FHIT: variants seen among roughly 807,000 people sequenced by gnomAD.
FHIT encodes the protein bis(5'-adenosyl)-triphosphatase.
In FHIT, 19 loss-of-function variants were observed where a neutral mutation model predicts 17.9. The observed-to-expected ratio is 1.06, with a 90% CI of 0.74 to 1.56. The LOEUF (loss-of-function observed/expected upper bound fraction) is 1.56. Ranked by LOEUF, FHIT falls within the 40% of genes most tolerant of loss-of-function variation. The pLI is 0.00. For missense variants in FHIT, 248 were observed against 189.2 expected (o/e 1.31, Z -1.82); for synonymous variants, 81 against 69.7 (o/e 1.16, Z -0.81).
chr3:59,992,165 C>T (rs1374581683), intron 7 of FHIT, among the ~76,000 whole-genome samples: 1 of 152,004 alleles, frequency 6.6e-6, no homozygotes, highest in South Asian at 2.1e-4. Flanking sequence ...ACTCTTTCCC[C>T]TACTACTTCC....
chr3:61,237,643 A>G (rs982836023), intron 1 of FHIT, among the ~76,000 whole-genome samples: 3 of 152,204 alleles, frequency 2.0e-5, no homozygotes, highest in African/African-American at 7.2e-5. Context: ...GTTTAATGAC[A>G]CTGATCTCAG....
At chr3:60,162,305 C>T (rs184291995) in intron 5 of FHIT, among the ~76,000 whole-genome samples, 60 of 151,764 alleles carry the variant, frequency 4.0e-4, no homozygotes, top group African/African-American at 1.1e-3. Flanking sequence ...TGCAATAAAC[C>T]TGTACATTTT....
At chr3:60,552,506 A>C (rs1248025766) in intron 4 of FHIT, among the ~76,000 whole-genome samples, 1 of 152,132 alleles carries the variant, frequency 6.6e-6, no homozygotes, top group Non-Finnish European at 1.5e-5. Flanking sequence ...AGATATTTTA[A>C]ATTAATTGGT....
intron 4 of FHIT, among the ~76,000 whole-genome samples, chr3:60,804,241 G>A (rs1052382805): frequency 6.6e-6 from 1 of 152,198 alleles, no homozygotes; most frequent in Non-Finnish European, 1.5e-5. Context: ...AGGGCACTGC[G>A]ATCCCCCTCA....
In FHIT at chr3:61,045,690, T is replaced by G. The variant is rs555790155; in HGVS notation, c.-163-3591A>C. Among the ~76,000 whole-genome samples, 31 of 152,282 alleles carry G rather than the reference T, an allele frequency of 2.0e-4. No homozygotes were observed. The South Asian group carries it at 6.2e-3, about 31-fold the overall frequency. On this transcript the variant is annotated intron_variant, in intron 2 of 9. Coordinates refer to ENST00000492590, the MANE Select transcript of FHIT (RefSeq NM_002012.4). ...CCCCAAATCAACAAAATATACTTTC[T>G]TCTCAGCACCACATCGTACTTATTC...
chr3:59,752,135 G>T, intron 9 of FHIT, 86 bp downstream of exon 9: 1 of 927,764 alleles, frequency 1.1e-6, no homozygotes. Context: ...TGGTGAAGGT[G>T]TTTTTGTGCA....
intron 3 of FHIT, among the ~76,000 whole-genome samples, chr3:60,983,897 C>T (rs1012222120): frequency 9.9e-5 from 15 of 152,072 alleles, no homozygotes; most frequent in African/African-American, 3.1e-4. Flanking sequence ...TACATCACAA[C>T]AGTAATGCAA....
intron 5 of FHIT, among the ~76,000 whole-genome samples, chr3:60,506,902 C>G (rs190415307): frequency 2.6e-5 from 4 of 152,102 alleles, no homozygotes; most frequent in South Asian, 2.1e-4. Context: ...TAAAAACTGA[C>G]GGATATACTA....
At chr3:60,330,026 T>C (rs766683129) in intron 5 of FHIT, among the ~76,000 whole-genome samples, 1 of 152,168 alleles carries the variant, frequency 6.6e-6, no homozygotes, top group Non-Finnish European at 1.5e-5. Context: ...TTATAGCCGA[T>C]TGTGGTAATC....
chr3:61,048,840 C>G (rs1016092255), intron 2 of FHIT, among the ~76,000 whole-genome samples: 2 of 151,990 alleles, frequency 1.3e-5, no homozygotes, highest in Admixed American at 6.6e-5. Flanking sequence ...ATGGATGAAG[C>G]TGGAAACAAT....
At chr3:59,812,704 G>A (rs994238789) in intron 8 of FHIT, among the ~76,000 whole-genome samples, 4 of 152,106 alleles carry the variant, frequency 2.6e-5, no homozygotes, top group African/African-American at 9.7e-5. Context: ...GTCTGCATGG[G>A]CTACTTTGTT....
Position 60,445,402 on chromosome 3 carries a change from G to A in FHIT, c.103+91458C>T, listed in dbSNP as rs79835510. ...TAGCTTTAAGAAGCAATTATGATAC[G>A]TTTCTTACCAAAGGTCATCAAAGAA... On this transcript the variant is annotated intron_variant, in intron 5 of 9. Transcript: ENST00000492590. Among the ~76,000 whole-genome samples, 618 of 151,638 alleles carry A rather than the reference G, an allele frequency of 4.1e-3. 2 individuals carry two copies. The highest frequency in any genetic ancestry group is 0.014 in the African/African-American group (588 of 41,380).
At chr3:61,145,445 A>G (rs1001411917) in intron 2 of FHIT, among the ~76,000 whole-genome samples, 3 of 152,102 alleles carry the variant, frequency 2.0e-5, no homozygotes, top group Non-Finnish European at 4.4e-5. Flanking sequence ...TGAAACTAGT[A>G]AGTGTGAGTC....
chr3:60,928,455 T>TA (rs1379197176), intron 3 of FHIT, among the ~76,000 whole-genome samples: 1 of 150,656 alleles, frequency 6.6e-6, no homozygotes, highest in Non-Finnish European at 1.5e-5. Flanking sequence ...AGGCTGAGGC[T>TA]AGAAGATCAC....
chr3:60,925,833 C>CAT (rs1248898862), intron 3 of FHIT, among the ~76,000 whole-genome samples: 5 of 152,140 alleles, frequency 3.3e-5, no homozygotes, highest in Non-Finnish European at 7.3e-5. Context: ...CAGAGACACA[C>CAT]ATAGGCTCAA....
At chr3:59,992,537 C>T (rs1326804886) in intron 7 of FHIT, among the ~76,000 whole-genome samples, 1 of 152,064 alleles carries the variant, frequency 6.6e-6, no homozygotes, top group Non-Finnish European at 1.5e-5. Flanking sequence ...AAATACATTA[C>T]TCCCAGAGAC....
rs557032856 is a variant in FHIT at position 61,039,469 on chromosome 3, A to G, written c.-111+2578T>C. On this transcript the variant is annotated intron_variant, in intron 3 of 9. Coordinates refer to ENST00000492590, the MANE Select transcript of FHIT (RefSeq NM_002012.4). The stretch of plus-strand genomic sequence containing the variant: ...AACTTGCGAGGGATTTCCATCAATG[A>G]CAGACTGGATAAAGAAAATGTGGCA... 3.9e-5 allele frequency among the ~76,000 whole-genome samples: 6 copies of G among 152,298 alleles called. No homozygotes were observed. The East Asian group carries it at 7.7e-4, about 20-fold the overall frequency.
intron 5 of FHIT, among the ~76,000 whole-genome samples, chr3:60,521,416 T>A (rs1455963210): frequency 1.3e-5 from 2 of 151,796 alleles, no homozygotes; most frequent in African/African-American, 2.4e-5. Flanking sequence ...CCCAGCTAAT[T>A]TTTTGTATTT....
At chr3:60,096,148 G>A (rs376887759) in intron 5 of FHIT, among the ~76,000 whole-genome samples, 21 of 152,292 alleles carry the variant, frequency 1.4e-4, no homozygotes, top group African/African-American at 3.4e-4. Context: ...CGCTCAGGCC[G>A]AGTCTGACTT....
Sources: allele counts gnomAD v4.1 joint callset (sites outside exome capture counted in the v4.1 genomes callset), GRCh38; gene constraint gnomAD v4.1.1; transcripts MANE v1.5; gene names NCBI Gene and HGNC (gene_info 2026-07-23, HGNC 2026-07-21).